The following ASIC2 variants were observed in gnomAD, a reference collection of about 807,000 sequenced individuals.
ASIC2 encodes the protein acid-sensing ion channel 2.
Under a neutral mutation model 57.3 loss-of-function variants are expected in ASIC2, and 25 were observed. That is an observed-to-expected ratio of 0.44 (90% CI 0.32 to 0.61). The LOEUF (loss-of-function observed/expected upper bound fraction) is 0.61, where lower values mean the gene tolerates loss of function less well. ASIC2 is among the 20% of genes least tolerant of loss of function. ASIC2 has a pLI of 0.06. For missense variants in ASIC2, 641 were observed against 738.1 expected (o/e 0.87, Z 1.52); for synonymous variants, 319 against 307.5 (o/e 1.04, Z -0.39).
In ASIC2 at chr17:34,119,365, A is replaced by G. The variant is rs560853659; in HGVS notation, c.555+36613T>C. Among the ~76,000 whole-genome samples, 246 of 152,348 alleles carry G rather than the reference A, an allele frequency of 1.6e-3. 1 individual carries two copies. Among genetic ancestry groups the G allele is most frequent in the Admixed American group, 5.8e-3 (89 of 15,306 alleles). On this transcript the variant is annotated intron_variant, in intron 1 of 9. Coordinates refer to the ASIC2 transcript ENST00000359872. Reference sequence around the variant, plus strand: ...GCATTATTGTATCAAGTGAGACAGCATAAATAAAAACACTGCTTTGTTAGC... The same window carrying G: ...GCATTATTGTATCAAGTGAGACAGCGTAAATAAAAACACTGCTTTGTTAGC...
At chr17:33,575,142 G>T (rs1029389922) in intron 1 of ASIC2, among the ~76,000 whole-genome samples, 1 of 152,190 alleles carries the variant, frequency 6.6e-6, no homozygotes, top group Non-Finnish European at 1.5e-5. Context: ...GATCTCAAAT[G>T]TTCCAGCCCA....
At chr17:33,570,881 CAGG>C (rs1409487379) in intron 1 of ASIC2, among the ~76,000 whole-genome samples, 1 of 152,080 alleles carries the variant, frequency 6.6e-6, no homozygotes, top group Non-Finnish European at 1.5e-5. Flanking sequence ...CTGGGAGTTC[CAGG>C]AGTATAAACG....
intron 1 of ASIC2, among the ~76,000 whole-genome samples, chr17:33,556,932 A>T (rs1288307199): frequency 1.3e-5 from 2 of 152,248 alleles, no homozygotes; most frequent in African/African-American, 4.8e-5. Context: ...CCTTAAGTGT[A>T]AGCACAGGTG....
chr17:33,870,266 A>ATTTTTTTTG (rs1262958863), intron 1 of ASIC2, among the ~76,000 whole-genome samples: 3 of 98,512 alleles, frequency 3.0e-5, no homozygotes, highest in African/African-American at 1.2e-4. Context: ...TAAGCACTTC[A>ATTTTTTTTG]TCAAAGGCTC....
chr17:33,048,605 A>T (rs1415099945), intron 3 of ASIC2, among the ~76,000 whole-genome samples: 1 of 152,228 alleles, frequency 6.6e-6, no homozygotes, highest in Non-Finnish European at 1.5e-5. Flanking sequence ...AAGAGAGACC[A>T]CGTCATCTGC....
intron 1 of ASIC2, among the ~76,000 whole-genome samples, chr17:34,148,854 T>G (rs1904392988): frequency 6.6e-6 from 1 of 152,080 alleles, no homozygotes; most frequent in Admixed American, 6.5e-5. Context: ...GGAAGGAATC[T>G]CCTAATGACC....
intron 1 of ASIC2, among the ~76,000 whole-genome samples, chr17:33,669,884 A>G (rs566846895): frequency 1.3e-3 from 200 of 152,326 alleles, no homozygotes; most frequent in African/African-American, 4.5e-3. Flanking sequence ...CAAACAACCT[A>G]CAGAGGCTTA....
intron 1 of ASIC2, among the ~76,000 whole-genome samples, chr17:34,007,411 C>T (rs1008829663): frequency 1.3e-5 from 2 of 152,216 alleles, no homozygotes; most frequent in East Asian, 3.8e-4. Context: ...ACTGCCAACC[C>T]AGCACACAGA....
intron 1 of ASIC2, among the ~76,000 whole-genome samples, chr17:33,841,473 C>T (rs1913435389): frequency 6.6e-6 from 1 of 152,200 alleles, no homozygotes; most frequent in African/African-American, 2.4e-5. Flanking sequence ...TGCCAGGCTG[C>T]CAAATTACAA....
intron 1 of ASIC2, among the ~76,000 whole-genome samples, chr17:33,159,919 C>A (rs1905114257): frequency 1.3e-5 from 2 of 152,170 alleles, no homozygotes; most frequent in Admixed American, 6.5e-5. Flanking sequence ...AGAAAATGCT[C>A]AGTGAAAGGC....
intron 1 of ASIC2, among the ~76,000 whole-genome samples, chr17:33,247,624 G>A (rs1289598514): frequency 2.0e-5 from 3 of 152,216 alleles, no homozygotes; most frequent in Admixed American, 6.5e-5. Flanking sequence ...GTCTACCCGT[G>A]TCTACTCTCA....
chr17:34,087,158 G>A (rs919638103), intron 1 of ASIC2, among the ~76,000 whole-genome samples: 2 of 152,022 alleles, frequency 1.3e-5, no homozygotes, highest in Non-Finnish European at 1.5e-5. Context: ...ATTTTGGCAC[G>A]ATTTTGCAGT....
At chr17:33,505,737 C>T (rs1446356554) in intron 1 of ASIC2, among the ~76,000 whole-genome samples, 4 of 152,142 alleles carry the variant, frequency 2.6e-5, no homozygotes, top group East Asian at 1.9e-4. Context: ...TCTCTCTGCC[C>T]GGATCGCCTA....
intron 1 of ASIC2, among the ~76,000 whole-genome samples, chr17:33,578,914 G>A (rs1378139832): frequency 6.6e-6 from 1 of 152,196 alleles, no homozygotes; most frequent in African/African-American, 2.4e-5. Context: ...AAGAAAAGAT[G>A]GATGGGGTCA....
At chr17:33,936,847 C>T (rs750955068) in intron 1 of ASIC2, 2 of 152,270 alleles carry the variant, frequency 1.3e-5, no homozygotes, top group East Asian at 1.9e-4. Context: ...ATGAACACAT[C>T]GCTCTAAGCC....
At chr17:34,030,869 C>T (rs1567794029) in intron 1 of ASIC2, among the ~76,000 whole-genome samples, 1 of 152,258 alleles carries the variant, frequency 6.6e-6, no homozygotes, top group African/African-American at 2.4e-5. Context: ...CCAGGAAGCT[C>T]GAACTGGGTG....
chr17:33,584,909 G>A (rs1904566563), intron 1 of ASIC2, among the ~76,000 whole-genome samples: 1 of 152,154 alleles, frequency 6.6e-6, no homozygotes. Flanking sequence ...AGGCACCATG[G>A]TGGATTGATG....
At chr17:33,662,175 A>G (rs1349657188) in intron 1 of ASIC2, among the ~76,000 whole-genome samples, 4 of 152,206 alleles carry the variant, frequency 2.6e-5, no homozygotes, top group Admixed American at 6.5e-5. Flanking sequence ...AGAGAAGCTA[A>G]GCCACTTGCC....
chr17:33,661,019 G>A (rs1204524575), intron 1 of ASIC2, among the ~76,000 whole-genome samples: 1 of 152,106 alleles, frequency 6.6e-6, no homozygotes, highest in Non-Finnish European at 1.5e-5. Flanking sequence ...CGGTCTGTTG[G>A]AGATTTTCCA....
Sources: allele counts gnomAD v4.1 joint callset (sites outside exome capture counted in the v4.1 genomes callset), GRCh38; gene constraint gnomAD v4.1.1; transcripts MANE v1.5; gene names NCBI Gene and HGNC (gene_info 2026-07-23, HGNC 2026-07-21).